The following DIO2 variants were observed in gnomAD, a reference collection of about 807,000 sequenced individuals.
DIO2 encodes type II iodothyronine deiodinase.
In DIO2, 19 loss-of-function variants were observed where a neutral mutation model predicts 21.4. The observed-to-expected ratio is 0.89, with a 90% CI of 0.62 to 1.30. DIO2 has a LOEUF of 1.30. DIO2 is among the 50% of genes most tolerant of loss of function. DIO2 has a pLI of 0.00. For synonymous variants in DIO2, 122 were observed against 132.9 expected (o/e 0.92, Z 0.57); for missense variants, 302 against 338.1 (o/e 0.89, Z 0.84).
chr14:80,205,179 G>GT (rs1315787145), intron 1 of DIO2, among the ~76,000 whole-genome samples: 1 of 151,990 alleles, frequency 6.6e-6, no homozygotes, highest in African/African-American at 2.4e-5. Context: ...CTTTTAAGCC[G>GT]TGAGTTCTTT....
At position 80,230,026 on chromosome 14, in the gene DIO2, T is replaced by A. The variant is rs144211312; in HGVS notation, c.-277-13289A>T. On this transcript the variant is annotated intron_variant, in intron 2 of 4. Coordinates refer to the DIO2 transcript ENST00000553594. ...AGCTCCTGAGGAGAATCAACGTTAT[T>A]TTTCCTGGCAATTGCCTCAGGGGAG... is the stretch of plus-strand genomic sequence containing the variant. Among the ~76,000 whole-genome samples the A allele has an allele frequency of 7.9e-5, 12 of 152,228 alleles. No individual in the cohort carries two copies. The East Asian group carries it at 1.7e-3, about 22-fold the overall frequency.
chr14:80,229,955 T>TA (rs1449068676), intron 2 of DIO2, among the ~76,000 whole-genome samples: 1 of 151,560 alleles, frequency 6.6e-6, no homozygotes, highest in Non-Finnish European at 1.5e-5. Flanking sequence ...AGGGGCCTGC[T>TA]AGGACTTTAG....
At chr14:80,221,332 A>C (rs1036478336) in intron 2 of DIO2, among the ~76,000 whole-genome samples, 1 of 152,242 alleles carries the variant, frequency 6.6e-6, no homozygotes, top group Admixed American at 6.5e-5. Context: ...CATGGGAAAT[A>C]GAAATTTTTC....
rs1402512794 is a variant in DIO2, at chr14:80,203,266, G to C, written c.245C>G (p.Pro82Arg). ...GGAGACATGCACCACACTGGAATTG[G>C]GGGCATCCTCACCCAATTTCACCTG... ...YKQVKLGEDA[P>R]NSSVVHVSST... The change falls in exon 2 of 2, where the codon CCC becomes CGC. Residue 82 changes from proline (P) to arginine (R), a missense_variant. Transcript: ENST00000438257. The C allele has an allele frequency of 1.3e-6, 2 of 1,588,110 alleles. No homozygotes were observed. The highest frequency in any genetic ancestry group is 1.8e-5 in the Admixed American group (1 of 56,438).
intron 2 of DIO2, among the ~76,000 whole-genome samples, chr14:80,225,462 A>C (rs1237416608): frequency 6.6e-6 from 1 of 152,256 alleles, no homozygotes; most frequent in African/African-American, 2.4e-5. Context: ...TCCATGATAA[A>C]GGAAAAGGAA....
chr14:80,207,865 T>C (rs920637875), intron 1 of DIO2, among the ~76,000 whole-genome samples: 1 of 152,194 alleles, frequency 6.6e-6, no homozygotes, highest in Non-Finnish European at 1.5e-5. Flanking sequence ...TGCTTTGTGT[T>C]CTTTTGGGAC....
At chr14:80,220,573 T>C (rs1030029476) in intron 2 of DIO2, among the ~76,000 whole-genome samples, 1 of 152,312 alleles carries the variant, frequency 6.6e-6, no homozygotes, top group African/African-American at 2.4e-5. Flanking sequence ...AATTAGTGAC[T>C]AGATAATATT....
rs1214869352 is a variant in DIO2 at position 80,226,659 on chromosome 14, G to C, written c.-277-9922C>G. Among the ~76,000 whole-genome samples the C allele has an allele frequency of 3.9e-5, 6 of 152,310 alleles. No homozygotes were observed. In the South Asian group the frequency reaches 1.2e-3, roughly 32 times the overall value. On this transcript the variant is annotated intron_variant, in intron 2 of 4. Coordinates refer to the DIO2 transcript ENST00000553594. ...CAATGGCTATAGCCAGGTCAGCCTT[G>C]GTGAGTGGAAGTCCATGTTGCTGAG...
chr14:80,218,885 C>T (rs200949489), intron 2 of DIO2, among the ~76,000 whole-genome samples: 3 of 151,868 alleles, frequency 2.0e-5, no homozygotes, highest in African/African-American at 4.8e-5. Flanking sequence ...GGCTGAGGCA[C>T]GAGAATCGCT....
At chr14:80,204,585 A>C (rs1331864933) in intron 1 of DIO2, among the ~76,000 whole-genome samples, 4 of 152,222 alleles carry the variant, frequency 2.6e-5, no homozygotes, top group Non-Finnish European at 5.9e-5. Flanking sequence ...AAAGCCAATA[A>C]CATTAGGGAC....
chr14:80,221,248 T>C (rs1888457800), intron 2 of DIO2, among the ~76,000 whole-genome samples: 1 of 152,146 alleles, frequency 6.6e-6, no homozygotes, highest in African/African-American at 2.4e-5. Context: ...ATTACCTAGC[T>C]AATTGATTTT....
chr14:80,208,764 A>G (rs1888051608), intron 1 of DIO2, among the ~76,000 whole-genome samples: 2 of 152,138 alleles, frequency 1.3e-5, no homozygotes, highest in Admixed American at 6.5e-5. Context: ...ATTCTGAGTG[A>G]CCCTCAAATG....
At chr14:80,227,356 G>A (rs4903905) in intron 2 of DIO2, among the ~76,000 whole-genome samples, 53,013 of 152,002 alleles carry the variant, frequency 0.35, 9,633 homozygotes, top group South Asian at 0.5. Flanking sequence ...GGACCTGCTC[G>A]AGCTCAATCA....
intron 1 of DIO2, among the ~76,000 whole-genome samples, chr14:80,205,901 C>A (rs1251660395): frequency 1.3e-5 from 2 of 151,956 alleles, no homozygotes; most frequent in African/African-American, 4.8e-5. Flanking sequence ...TAATGATAAC[C>A]CTGACCTGCA....
intron 2 of DIO2, among the ~76,000 whole-genome samples, chr14:80,226,460 A>G (rs1022486280): frequency 6.6e-6 from 1 of 152,204 alleles, no homozygotes; most frequent in African/African-American, 2.4e-5. Flanking sequence ...CAGGATAGGC[A>G]AACTTGTATC....
At chr14:80,211,622 A>C, upstream of DIO2, 1 of 620,928 alleles carries the variant, frequency 1.6e-6, no homozygotes, top group Non-Finnish European at 2.8e-6. Context: ...AATTAAAAGG[A>C]AGCCCAAGTT....
chr14:80,201,351 T>C lies in DIO2; in HGVS notation c.*1338A>G, dbSNP rs1163235507. ...AGAATTATCTCTAACTTCCTCTTCT[T>C]CTATTTTGCAATGGAAGTAAGCTTG... On this transcript the variant is annotated 3_prime_UTR_variant, in exon 2 of 2. Coordinates refer to ENST00000438257, the MANE Select transcript of DIO2 (RefSeq NM_013989.5). 6.6e-6 allele frequency: 1 copy of C among 152,150 alleles called. No homozygotes were observed. Among genetic ancestry groups the C allele is most frequent in the Non-Finnish European group, 1.5e-5 (1 of 68,024 alleles). The allele number at this position is 152,150 out of a possible 1,614,324, so 9.4% of individuals were successfully genotyped here. A position where few individuals can be genotyped will look rare whatever the true frequency, so the allele number is the denominator to read the frequency against.
At chr14:80,224,496 TACACACACACACAC>T (rs59545805) in intron 2 of DIO2, among the ~76,000 whole-genome samples, 4 of 138,494 alleles carry the variant, frequency 2.9e-5, no homozygotes, top group Admixed American at 1.5e-4. Context: ...AGAGAGATAC[TACACACACACACAC>T]ACACACACAC....
chr14:80,211,591 G>GGA, upstream of DIO2: 1 of 379,668 alleles, frequency 2.6e-6, no homozygotes, highest in Non-Finnish European at 4.6e-6. Flanking sequence ...GGGGGTTGGG[G>GGA]GAGAAGGGGA....
Sources: gnomAD v4.1 joint callset for allele counts (sites outside exome capture counted in the v4.1 genomes callset) on GRCh38, gnomAD v4.1.1 for gene constraint, MANE v1.5 for transcripts, NCBI Gene and HGNC (gene_info 2026-07-23, HGNC 2026-07-21) for gene names.